The following SYNPR variants were observed in gnomAD, a reference collection of about 807,000 sequenced individuals.
SYNPR encodes the protein synaptoporin.
Under a neutral mutation model 32.9 loss-of-function variants are expected in SYNPR, and 23 were observed. The ratio of observed to expected loss-of-function variants is 0.70; its 90% CI spans 0.50 to 0.99. The LOEUF is 0.99. Among genes scored for constraint, SYNPR ranks in the 50% least tolerant of loss-of-function variants. SYNPR has a pLI of 0.00. For synonymous variants in SYNPR, 146 were observed against 135.9 expected (o/e 1.07, Z -0.52); for missense variants, 318 against 349.3 (o/e 0.91, Z 0.71).
intron 3 of SYNPR, among the ~76,000 whole-genome samples, chr3:63,535,437 G>A (rs1302854349): frequency 6.6e-6 from 1 of 151,936 alleles, no homozygotes; most frequent in Non-Finnish European, 1.5e-5. Context: ...ACTACATACA[G>A]AAGAAAAAAG....
chr3:63,615,646 A>C lies in SYNPR; in HGVS notation c.*165A>C. 1.1e-6 allele frequency: 1 copy of C among 889,868 alleles called. No homozygotes were observed. Among genetic ancestry groups the C allele is most frequent in the East Asian group, 2.7e-5 (1 of 36,954 alleles). The allele number at this position is 889,868 out of a possible 1,614,324, so 55.1% of individuals were successfully genotyped here. ...AGCAAGTCCTGGGTTGTGAAAAATGATACTTAGAGATGAGGCGACATGAGG... is the reference window on the plus strand; with the variant it reads ...AGCAAGTCCTGGGTTGTGAAAAATGCTACTTAGAGATGAGGCGACATGAGG... On this transcript the variant is annotated 3_prime_UTR_variant, in exon 6 of 6. Coordinates refer to ENST00000478300, the MANE Select transcript of SYNPR (RefSeq NM_001130003.2).
Position 63,397,435 on chromosome 3 carries a change from A to G in SYNPR, c.85-83397A>G, listed in dbSNP as rs144409139. Among the ~76,000 whole-genome samples the G allele has an allele frequency of 2.2e-4, 33 of 152,326 alleles. No individual in the cohort carries two copies. The East Asian group carries it at 6.2e-3, about 29-fold the overall frequency. ...AACTGAGTGGTCTAGAGTTTTACCT[A>G]CTTTGCCTCCCTTTCACTTATTCCC... On this transcript the variant is annotated intron_variant, in intron 2 of 5. Transcript: ENST00000478300.
intron 3 of SYNPR, among the ~76,000 whole-genome samples, chr3:63,519,174 G>A (rs1212776752): frequency 6.6e-6 from 1 of 152,066 alleles, no homozygotes; most frequent in Non-Finnish European, 1.5e-5. Context: ...AGTATTTGTT[G>A]AGGATTTTTG....
At chr3:63,491,250 G>A (rs949299705) in intron 3 of SYNPR, among the ~76,000 whole-genome samples, 4 of 152,032 alleles carry the variant, frequency 2.6e-5, no homozygotes, top group Non-Finnish European at 5.9e-5. Context: ...TGCCCAAATC[G>A]GTAGGGGTCC....
chr3:63,296,069 G>T (rs1382773617), intron 2 of SYNPR, among the ~76,000 whole-genome samples: 1 of 152,138 alleles, frequency 6.6e-6, no homozygotes, highest in African/African-American at 2.4e-5. Flanking sequence ...AATGCAGGAG[G>T]AAACCTGCAT....
chr3:63,382,494 C>T (rs1437794439), intron 2 of SYNPR, among the ~76,000 whole-genome samples: 1 of 152,172 alleles, frequency 6.6e-6, no homozygotes, highest in African/African-American at 2.4e-5. Context: ...TTAAAGTTTC[C>T]TTGCCAGGTT....
intron 3 of SYNPR, among the ~76,000 whole-genome samples, chr3:63,504,043 G>A (rs975139629): frequency 4.9e-4 from 74 of 151,818 alleles, no homozygotes; most frequent in African/African-American, 1.8e-3. Flanking sequence ...ATTTTCATAC[G>A]CACATTTCCA....
chr3:63,487,238 G>A (rs1701173636), intron 3 of SYNPR, among the ~76,000 whole-genome samples: 1 of 152,056 alleles, frequency 6.6e-6, no homozygotes, highest in Non-Finnish European at 1.5e-5. Context: ...AGTGTAGCTT[G>A]GACTCTAGAG....
chr3:63,608,294 C>G (rs978242845), intron 4 of SYNPR, among the ~76,000 whole-genome samples: 1 of 152,052 alleles, frequency 6.6e-6, no homozygotes, highest in East Asian at 1.9e-4. Context: ...AGCTTCTTTC[C>G]CCTGCGAACA....
chr3:63,257,620 A>C (rs1442554884), intron 2 of SYNPR, among the ~76,000 whole-genome samples: 2 of 152,226 alleles, frequency 1.3e-5, no homozygotes, highest in African/African-American at 4.8e-5. Flanking sequence ...AAACATGCCA[A>C]ATTGTAAAGA....
chr3:63,551,893 T>C (rs1054689167), intron 3 of SYNPR, among the ~76,000 whole-genome samples: 1 of 150,924 alleles, frequency 6.6e-6, no homozygotes, highest in African/African-American at 2.4e-5. Context: ...ATTTATTTAT[T>C]TATTTATTTA....
intron 2 of SYNPR, among the ~76,000 whole-genome samples, chr3:63,467,628 TA>T (rs1700708804): frequency 6.6e-6 from 1 of 152,208 alleles, no homozygotes; most frequent in African/African-American, 2.4e-5. Flanking sequence ...AGAAGCTCAC[TA>T]AGTAGCAGCA....
At chr3:63,275,973 T>C (rs540778655), upstream of SYNPR, among the ~76,000 whole-genome samples, 1 of 152,304 alleles carries the variant, frequency 6.6e-6, no homozygotes, top group Admixed American at 6.5e-5. Context: ...TAGGTTATGT[T>C]GTGCTGCAGT....
intron 4 of SYNPR, among the ~76,000 whole-genome samples, chr3:63,606,788 C>A (rs925306779): frequency 3.3e-5 from 5 of 152,176 alleles, no homozygotes; most frequent in Admixed American, 2.0e-4. Context: ...GATGGCCAGG[C>A]TTAGAATCCT....
chr3:63,298,180 A>G (rs1395437901), intron 2 of SYNPR, among the ~76,000 whole-genome samples: 1 of 152,148 alleles, frequency 6.6e-6, no homozygotes, highest in Non-Finnish European at 1.5e-5. Context: ...AATTCCTCCA[A>G]TTGTTGGTTT....
chr3:63,365,523 C>A (rs979113148), intron 2 of SYNPR, among the ~76,000 whole-genome samples: 2 of 151,878 alleles, frequency 1.3e-5, no homozygotes, highest in East Asian at 3.9e-4. Context: ...GAAGTTAACA[C>A]GGGGAAATAA....
chr3:63,326,211 A>G (rs1288434009), intron 2 of SYNPR, among the ~76,000 whole-genome samples: 1 of 152,058 alleles, frequency 6.6e-6, no homozygotes, highest in Non-Finnish European at 1.5e-5. Flanking sequence ...GAGGCTTAGA[A>G]AAGTTAAGGG....
At chr3:63,416,199 G>A (rs1033997518) in intron 2 of SYNPR, among the ~76,000 whole-genome samples, 3 of 152,148 alleles carry the variant, frequency 2.0e-5, no homozygotes, top group African/African-American at 7.2e-5. Flanking sequence ...GTGTTTACGT[G>A]CAGTCACATG....
chr3:63,211,073 C>A, the SYNPR span, among the ~76,000 whole-genome samples: 20 of 152,094 alleles, frequency 1.3e-4, no homozygotes, highest in African/African-American at 4.6e-4. Context: ...TACCATAAGA[C>A]CTTCTTTTTT....
Sources: allele counts gnomAD v4.1 joint callset (sites outside exome capture counted in the v4.1 genomes callset), GRCh38; gene constraint gnomAD v4.1.1; transcripts MANE v1.5; gene names NCBI Gene and HGNC (gene_info 2026-07-23, HGNC 2026-07-21).